BTNL2: variants seen among roughly 807,000 people sequenced by gnomAD.
BTNL2 encodes the protein butyrophilin-like protein 2.
Under a neutral mutation model 46.8 loss-of-function variants are expected in BTNL2, and 46 were observed. That is an observed-to-expected ratio of 0.98 (90% CI 0.78 to 1.26). The LOEUF (loss-of-function observed/expected upper bound fraction) is 1.26, where lower values mean the gene tolerates loss of function less well. Ranked by LOEUF, BTNL2 falls within the 50% of genes most tolerant of loss-of-function variation. BTNL2 has a pLI of 0.00. For missense variants in BTNL2, 461 were observed against 592.6 expected (o/e 0.78, Z 2.31); for synonymous variants, 226 against 229.1 (o/e 0.99, Z 0.12).
At chr6:32,398,346 A>G (rs1396347568) in intron 4 of BTNL2, among the ~76,000 whole-genome samples, 1 of 152,214 alleles carries the variant, frequency 6.6e-6, no homozygotes, top group African/African-American at 2.4e-5. Flanking sequence ...CTTTGTAGAG[A>G]GGAAAGTCCC....
At position 32,394,440 on chromosome 6, in the gene BTNL2, A is replaced by G. The variant is rs67588283; in HGVS notation, c.1360+304T>C. ...GGAAAACACAAAGTTCTGTAATTTA[A>G]TTGTTTTCACATCAGAAGAAGAGAA... On this transcript the variant is annotated intron_variant, in intron 6 of 7. Coordinates refer to ENST00000454136, the MANE Select transcript of BTNL2 (RefSeq NM_001304561.2). The surrounding 1 kb of genome is among the most constrained non-coding windows in gnomAD (Gnocchi z 4.6). 0.15 allele frequency among the ~76,000 whole-genome samples: 23,057 copies of G among 152,170 alleles called. 1,834 individuals carry two copies. Among genetic ancestry groups the G allele is most frequent in the South Asian group, 0.19 (895 of 4,818 alleles).
At chr6:32,406,485 G>A (rs73400892) in intron 1 of BTNL2, 18,071 of 151,764 alleles carry the variant, frequency 0.12, 1,224 homozygotes, top group East Asian at 0.23. Flanking sequence ...ATTTTCCTTA[G>A]GGCTCTGACA....
chr6:32,407,022 G>T, intron 1 of BTNL2, 23 bp downstream of exon 1: 2 of 1,607,844 alleles, frequency 1.2e-6, no homozygotes, highest in Non-Finnish European at 1.7e-6. Context: ...AGACTATACA[G>T]TAAAGGGAGA....
At chr6:32,398,352 G>T (rs573618327) in intron 4 of BTNL2, among the ~76,000 whole-genome samples, 117 of 152,320 alleles carry the variant, frequency 7.7e-4, no homozygotes, top group Middle Eastern at 3.4e-3. Context: ...AGAGAGGAAA[G>T]TCCCTGTCAA....
At chr6:32,395,918 T>G in intron 5 of BTNL2, 121 bp downstream of exon 5, 1 of 774,720 alleles carries the variant, frequency 1.3e-6, no homozygotes, top group South Asian at 1.9e-5. Flanking sequence ...GGATTTGATA[T>G]AAATTTGATG....
In BTNL2 at chr6:32,394,280, C is replaced by A. The variant is rs1360934643; in HGVS notation, c.1361-223G>T. On this transcript the variant is annotated intron_variant, in intron 6 of 7. Coordinates refer to ENST00000454136, the MANE Select transcript of BTNL2 (RefSeq NM_001304561.2). The surrounding 1 kb of genome is among the most constrained non-coding windows in gnomAD (Gnocchi z 4.6). ...GTACACATGCACAGACAAGTTTTCC[C>A]TTCTCTCTTCCAACTATATCACACA... is the stretch of plus-strand genomic sequence containing the variant. Among the ~76,000 whole-genome samples the A allele has an allele frequency of 6.6e-6, 1 of 151,210 alleles. No homozygotes were observed. Among genetic ancestry groups the A allele is most frequent in the Non-Finnish European group, 1.5e-5 (1 of 67,750 alleles).
chr6:32,393,799 G>T lies in BTNL2; in HGVS notation c.*6+164C>A. 1 of 917,200 alleles carries T rather than the reference G, an allele frequency of 1.1e-6. No homozygotes were observed. Among genetic ancestry groups the T allele is most frequent in the Non-Finnish European group, 1.6e-6 (1 of 640,330 alleles). 56.8% of individuals were successfully genotyped at this position (917,200 alleles called of 1,614,324 possible). On this transcript the variant is annotated intron_variant, in intron 7 of 7. Transcript: ENST00000454136. This position sits in a 1 kb window ranked among gnomAD's most constrained non-coding sequence, Gnocchi z 4.8. Reference sequence around the variant, plus strand: ...CTGACCTCATGCATCACTGAGCCTGGATTGCATGATAAGCCCTGGGCTTTC... The same window carrying T: ...CTGACCTCATGCATCACTGAGCCTGTATTGCATGATAAGCCCTGGGCTTTC...
At position 32,394,968 on chromosome 6, in the gene BTNL2, G is replaced by A. The variant is rs28362678; in HGVS notation, c.1136C>T (p.Pro379Leu). The A allele has an allele frequency of 0.15, 246,690 of 1,610,580 alleles. 20,132 individuals carry two copies. The highest frequency in any genetic ancestry group is 0.23 in the East Asian group (10,082 of 44,688). Residue 379 changes from proline to leucine, a missense_variant, in exon 6 of 8, where the codon CCG (proline) becomes CTG (leucine). Transcript: ENST00000454136. The surrounding 1 kb of genome is among the most constrained non-coding windows in gnomAD (Gnocchi z 4.6). ...GAACCACCCATCTGAAGAGCACATC[G>A]GCTGCATTTCTCCATCTTCTTGCCC... ...VEGQEDGEMQ[P>L]MCSSDGWFPQ...
intron 5 of BTNL2, among the ~76,000 whole-genome samples, chr6:32,395,459 T>C (rs1776384335): frequency 6.6e-6 from 1 of 152,220 alleles, no homozygotes; most frequent in Non-Finnish European, 1.5e-5. Context: ...AACGTGTTTA[T>C]TAATTTAGAA....
rs1776720194 is a variant in BTNL2, at chr6:32,400,786, G to T, written c.730+999C>A. Among the ~76,000 whole-genome samples the T allele has an allele frequency of 1.4e-5, 2 of 142,964 alleles. 1 individual carries two copies. Among genetic ancestry groups the T allele is most frequent in the South Asian group, 4.5e-4 (2 of 4,450 alleles). 93.8% of individuals were successfully genotyped at this position (142,964 alleles called of 152,430 possible). ...AAATTAGCTGGGTGTGGTGGCGCAT[G>T]CCTGTAGTCCCAGTTACTCAGGAGG... On this transcript the variant is annotated intron_variant, in intron 4 of 7. Transcript: ENST00000454136.
At chr6:32,395,123 G>C in intron 5 of BTNL2, 98 bp from the exon 6 acceptor site, 2 of 1,310,358 alleles carry the variant, frequency 1.5e-6, no homozygotes, top group South Asian at 1.5e-5. Context: ...GAGGGCTTGG[G>C]GAAGGGAGAA....
At chr6:32,402,648 T>C (rs1776852224) in intron 3 of BTNL2, among the ~76,000 whole-genome samples, 1 of 152,218 alleles carries the variant, frequency 6.6e-6, no homozygotes, top group Non-Finnish European at 1.5e-5. Flanking sequence ...ACATTTCAGT[T>C]GAAGAAATAT....
Position 32,394,781 on chromosome 6 carries a change from A to G in BTNL2, c.1323T>C (p.Phe441=). The G allele has an allele frequency of 6.2e-7, 1 of 1,613,636 alleles. No homozygotes were observed. The highest frequency in any genetic ancestry group is 2.2e-5 in the East Asian group (1 of 44,862). The part of the protein sequence containing the change: ...VDVTCSISIP[F]LGEEKIATFS... ...AAGTTGCGATTTTCTCCTCGCCCAA[A>G]AAGGGGATGCTGATGGAACAAGTGA... The change falls in exon 6 of 8, where the codon TTT becomes TTC. Residue 441 remains phenylalanine (F), a synonymous_variant. Coordinates refer to ENST00000454136, the MANE Select transcript of BTNL2 (RefSeq NM_001304561.2). This position sits in a 1 kb window ranked among gnomAD's most constrained non-coding sequence, Gnocchi z 4.6.
intron 2 of BTNL2, among the ~76,000 whole-genome samples, chr6:32,403,950 A>G (rs145026354): frequency 0.1 from 15,859 of 151,942 alleles, 953 homozygotes; most frequent in East Asian, 0.2. Flanking sequence ...AGAGAGATCC[A>G]CTCCCTTCCC....
chr6:32,405,327 C>T, intron 1 of BTNL2, 41 bp from the exon 2 acceptor site: 1 of 1,589,110 alleles, frequency 6.3e-7, no homozygotes, highest in Non-Finnish European at 8.6e-7. Flanking sequence ...AAATGCCAAT[C>T]AGAAAATCAT....
At chr6:32,404,115 A>G (rs1396002173) in intron 2 of BTNL2, among the ~76,000 whole-genome samples, 1 of 152,150 alleles carries the variant, frequency 6.6e-6, no homozygotes, top group Admixed American at 6.5e-5. Flanking sequence ...GTTAAGAAAA[A>G]AAAAGGTATT....
chr6:32,396,181 A>G lies in BTNL2; in HGVS notation c.936T>C (p.Thr312=), dbSNP rs904862712. ...GEQMAEYRGR[T]VLVSDAIDEG... is the part of the protein sequence containing the mutation. ...CGTCAATGGCGTCACTCACCAGTAC[A>G]GTCCTCCCTCTGTACTCTGCCATCT... The change falls in exon 5 of 8, where the codon ACT becomes ACC. Residue 312 remains threonine (T), a synonymous_variant. Transcript: ENST00000454136. The surrounding 1 kb of genome is among the most constrained non-coding windows in gnomAD (Gnocchi z 4.4). The G allele has an allele frequency of 6.2e-7, 1 of 1,612,962 alleles. No individual in the cohort carries two copies. Among genetic ancestry groups the G allele is most frequent in the Non-Finnish European group, 8.5e-7 (1 of 1,180,026 alleles).
At position 32,401,810 on chromosome 6, in the gene BTNL2, A is replaced by C. The variant is rs1455992609; in HGVS notation, c.710-5T>G. On this transcript the variant is annotated splice_region_variant and splice_polypyrimidine_tract_variant and intron_variant, in intron 3 of 7. Transcript: ENST00000454136. ...CCAGCTCAGTCTGGAGTTTCTCTGG[A>C]AAAAGAACAAGAATAACATATTAAG... 2 of 1,563,456 alleles carry C rather than the reference A, an allele frequency of 1.3e-6. No individual in the cohort carries two copies. The highest frequency in any genetic ancestry group is 1.7e-6 in the Non-Finnish European group (2 of 1,166,546).
chr6:32,400,682 G>A (rs3817961), intron 4 of BTNL2, among the ~76,000 whole-genome samples: 23,674 of 145,744 alleles, frequency 0.16, 2,195 homozygotes, highest in East Asian at 0.2. Flanking sequence ...GGCCAAGGCC[G>A]GCGGATCATG....
Sources: allele counts gnomAD v4.1 joint callset (sites outside exome capture counted in the v4.1 genomes callset), GRCh38; gene constraint gnomAD v4.1.1; non-coding constraint Gnocchi (gnomAD v3.1); transcripts MANE v1.5; gene names NCBI Gene and HGNC (gene_info 2026-07-23, HGNC 2026-07-21).